Variants in PTPRN2 observed in about 807,000 individuals in gnomAD.
PTPRN2 encodes the protein receptor-type tyrosine-protein phosphatase N2.
In PTPRN2, 74 loss-of-function variants were observed where a neutral mutation model predicts 118.8. The ratio of observed to expected loss-of-function variants is 0.62; its 90% confidence interval spans 0.52 to 0.76. The LOEUF is 0.76. PTPRN2 is among the 30% of genes least tolerant of loss of function. The pLI is 0.00. For synonymous variants in PTPRN2, 641 were observed against 608.0 expected, an observed-to-expected ratio of 1.05 and a Z score of -0.80; for missense variants, 1,481 against 1,394.4, an observed-to-expected ratio of 1.06 and a Z score of -0.99.
intron 12 of PTPRN2, among the ~76,000 whole-genome samples, chr7:157,846,173 G>A (rs1208875659): frequency 6.6e-6 from 1 of 152,142 alleles, no homozygotes; most frequent in Admixed American, 6.5e-5. Context: ...CAATGAAGAT[G>A]AGCCGCCAAT....
chr7:158,396,388 G>GT, intron 2 of PTPRN2, among the ~76,000 whole-genome samples: 1 of 152,228 alleles, frequency 6.6e-6, no homozygotes, highest in East Asian at 1.9e-4. Context: ...TGACAGCATC[G>GT]TGAGGTGAAG....
chr7:158,325,596 G>A (rs1473415124), intron 2 of PTPRN2, among the ~76,000 whole-genome samples: 1 of 152,210 alleles, frequency 6.6e-6, no homozygotes, highest in African/African-American at 2.4e-5. Context: ...GAAACTATCA[G>A]AACAAAGTTC....
chr7:157,575,521 C>A (rs1049227942), intron 19 of PTPRN2, among the ~76,000 whole-genome samples: 1 of 152,124 alleles, frequency 6.6e-6, no homozygotes. Context: ...TCTATTGATT[C>A]AAATTACAAA....
chr7:158,535,554 G>T (rs1022137806), intron 1 of PTPRN2, among the ~76,000 whole-genome samples: 2 of 152,088 alleles, frequency 1.3e-5, no homozygotes, highest in African/African-American at 4.8e-5. Context: ...CTGGGGAGCG[G>T]CTGGGGCTTT....
chr7:157,823,412 G>A (rs1043245414), intron 12 of PTPRN2, among the ~76,000 whole-genome samples: 12 of 152,226 alleles, frequency 7.9e-5, no homozygotes, highest in South Asian at 4.1e-4. Context: ...GACAATGAGC[G>A]TCCGTACCTG....
intron 11 of PTPRN2, among the ~76,000 whole-genome samples, chr7:158,036,222 A>G (rs530262405): frequency 2.0e-5 from 3 of 152,366 alleles, no homozygotes; most frequent in African/African-American, 7.2e-5. Flanking sequence ...ATTGGAAGAC[A>G]TAAGTGAAAT....
Position 157,596,989 on chromosome 7 carries a change from C to T in PTPRN2, c.2419-1674G>A, listed in dbSNP as rs1014067465. On this transcript the variant is annotated intron_variant, in intron 16 of 22. Coordinates refer to ENST00000389418, the MANE Select transcript of PTPRN2 (RefSeq NM_002847.5). This position sits in a 1 kb window ranked among gnomAD's most constrained non-coding sequence, Gnocchi z 4.2. ...AGTGCTGCTGCATTTGGGAAGCTGA[C>T]GTGGGGCACGTTTTCTTTAACAGCG... Among the ~76,000 whole-genome samples the T allele has an allele frequency of 3.3e-5, 5 of 152,286 alleles. No individual in the cohort carries two copies. The highest frequency in any genetic ancestry group is 9.6e-5 in the African/African-American group (4 of 41,562).
At chr7:157,918,712 C>T (rs1477376923) in intron 11 of PTPRN2, among the ~76,000 whole-genome samples, 1 of 152,098 alleles carries the variant, frequency 6.6e-6, no homozygotes, top group African/African-American at 2.4e-5. Context: ...AATAAATAGA[C>T]TAATGTTAGA....
In PTPRN2 at chr7:157,903,535, C is replaced by G. The variant is rs879458681; in HGVS notation, c.1724-4798G>C. ...GTGCCACCGACAACCCTCCCACATG[C>G]CCCACGGTGCTGCCTCTCGAAACTG... On this transcript the variant is annotated intron_variant, in intron 11 of 22. Transcript: ENST00000389418. This position sits in a 1 kb window ranked among gnomAD's most constrained non-coding sequence, Gnocchi z 4.2. Among the ~76,000 whole-genome samples, 15 of 152,162 alleles carry G rather than the reference C, an allele frequency of 9.9e-5. No individual in the cohort carries two copies. The highest frequency in any genetic ancestry group is 2.2e-4 in the Non-Finnish European group (15 of 67,998).
At chr7:158,108,490 G>A (rs1469983603) in intron 10 of PTPRN2, among the ~76,000 whole-genome samples, 1 of 152,132 alleles carries the variant, frequency 6.6e-6, no homozygotes, top group African/African-American at 2.4e-5. Context: ...CCCATTTCAG[G>A]GAAACCCCAG....
intron 12 of PTPRN2, among the ~76,000 whole-genome samples, chr7:157,772,244 G>T (rs1802898143): frequency 6.8e-5 from 9 of 131,630 alleles, no homozygotes; most frequent in Non-Finnish European, 3.1e-5. Flanking sequence ...CATACACACA[G>T]ACACAGACGC....
At chr7:157,543,538 T>C (rs1798113331) in intron 22 of PTPRN2, among the ~76,000 whole-genome samples, 1 of 152,182 alleles carries the variant, frequency 6.6e-6, no homozygotes, top group South Asian at 2.1e-4. Context: ...CTGCCATGGC[T>C]CTCGGACACC....
At chr7:158,080,135 C>G (rs772601981) in intron 11 of PTPRN2, among the ~76,000 whole-genome samples, 3 of 151,986 alleles carry the variant, frequency 2.0e-5, no homozygotes, top group African/African-American at 7.3e-5. Flanking sequence ...TTCGCTCCAT[C>G]CCTTAGAACA....
In PTPRN2 at chr7:158,555,117, G is replaced by A. The variant is rs1005531179; in HGVS notation, c.112+32441C>T. On this transcript the variant is annotated intron_variant, in intron 1 of 22. Transcript: ENST00000389418. The surrounding 1 kb of genome is among the most constrained non-coding windows in gnomAD (Gnocchi z 4.7). ...ATTACAAAGAGCGTCACAGTGGAATGAGAGGAAAGCCTGTGAGAACAAACG... is the reference window on the plus strand; with the variant it reads ...ATTACAAAGAGCGTCACAGTGGAATAAGAGGAAAGCCTGTGAGAACAAACG... Among the ~76,000 whole-genome samples the A allele has an allele frequency of 2.0e-5, 3 of 152,212 alleles. No individual in the cohort carries two copies. The highest frequency in any genetic ancestry group is 3.9e-4 in the East Asian group (2 of 5,194).
At chr7:158,210,049 G>T (rs902061675) in intron 3 of PTPRN2, among the ~76,000 whole-genome samples, 1 of 149,588 alleles carries the variant, frequency 6.7e-6, no homozygotes, top group African/African-American at 2.5e-5. Context: ...TGCAGCAAAA[G>T]CAGTACTAAG....
intron 1 of PTPRN2, among the ~76,000 whole-genome samples, chr7:158,556,558 A>G (rs1288691314): frequency 3.3e-5 from 5 of 152,230 alleles, no homozygotes; most frequent in Non-Finnish European, 7.3e-5. Flanking sequence ...GTTTCAAAAA[A>G]AAAAAAAAAG....
At chr7:158,028,214 C>G (rs1344695156) in intron 11 of PTPRN2, 1 of 152,264 alleles carries the variant, frequency 6.6e-6, no homozygotes, top group African/African-American at 2.4e-5. Flanking sequence ...GCTGAAAACC[C>G]CACCAGAACG....
chr7:157,589,949 T>G (rs2150553349), intron 17 of PTPRN2, among the ~76,000 whole-genome samples: 1 of 152,320 alleles, frequency 6.6e-6, no homozygotes, highest in East Asian at 1.9e-4. Flanking sequence ...CCTGCAGTGA[T>G]TTTCAAAACT....
chr7:158,435,796 A>G (rs1816532109), intron 2 of PTPRN2, among the ~76,000 whole-genome samples: 1 of 152,234 alleles, frequency 6.6e-6, no homozygotes, highest in Non-Finnish European at 1.5e-5. Flanking sequence ...CCTGGAAGAC[A>G]TGAGCTGAGC....
Sources: gnomAD v4.1 joint callset for allele counts (sites outside exome capture counted in the v4.1 genomes callset) on GRCh38, gnomAD v4.1.1 for gene constraint, Gnocchi (gnomAD v3.1) non-coding constraint, MANE v1.5 for transcripts, NCBI Gene and HGNC (gene_info 2026-07-23, HGNC 2026-07-21) for gene names.